Variants in KCNMA1 observed in about 807,000 individuals in gnomAD.
KCNMA1 encodes Calcium-activated potassium channel subunit alpha-1.
A neutral mutation model predicts 140.0 loss-of-function variants in KCNMA1; 29 were observed. That is an observed-to-expected ratio of 0.21 (90% CI 0.15 to 0.28). The LOEUF is 0.28. Ranked by LOEUF, KCNMA1 falls within the 10% of genes least tolerant of loss-of-function variation. The pLI is 1.00. For missense variants in KCNMA1, 880 were observed against 1,602.2 expected, an observed-to-expected ratio of 0.55 and a Z score of 7.70; for synonymous variants, 612 against 611.9, an observed-to-expected ratio of 1.00 and a Z score of 0.00.
intron 5 of KCNMA1, 56 bp downstream of exon 5, chr10:77,183,365 G>A (rs1171766396): frequency 8.4e-7 from 1 of 1,184,360 alleles, no homozygotes; most frequent in Non-Finnish European, 1.3e-6. Context: ...TGCAAATTCT[G>A]TCCTTCAGCC....
chr10:77,324,940 ACTCTCT>A (rs3068755), intron 2 of KCNMA1, among the ~76,000 whole-genome samples: 4,374 of 93,280 alleles, frequency 0.047, 113 homozygotes, highest in East Asian at 0.061. Context: ...ATAGCTCTAG[ACTCTCT>A]CTCTCTCTCT....
chr10:77,591,336 A>G (rs752703665), intron 1 of KCNMA1, among the ~76,000 whole-genome samples: 24 of 152,200 alleles, frequency 1.6e-4, no homozygotes, highest in Non-Finnish European at 2.8e-4. Context: ...CCTCAGACCC[A>G]CCTCTGAAAA....
At chr10:77,479,455 C>G (rs558280761) in intron 1 of KCNMA1, among the ~76,000 whole-genome samples, 1 of 152,332 alleles carries the variant, frequency 6.6e-6, no homozygotes, top group South Asian at 2.1e-4. Context: ...CAATACAAGG[C>G]TAGGCTCAGC....
intron 1 of KCNMA1, among the ~76,000 whole-genome samples, chr10:77,482,356 A>C (rs940629469): frequency 6.6e-6 from 1 of 152,222 alleles, no homozygotes; most frequent in Non-Finnish European, 1.5e-5. Flanking sequence ...TTGCAAGAGA[A>C]TCTACAAAAA....
intron 1 of KCNMA1, among the ~76,000 whole-genome samples, chr10:77,622,013 A>G: frequency 6.6e-6 from 1 of 152,220 alleles, no homozygotes; most frequent in East Asian, 1.9e-4. Context: ...TGTGGTTCAT[A>G]AAATACATTT....
intron 2 of KCNMA1, among the ~76,000 whole-genome samples, chr10:77,271,179 G>C (rs1280585021): frequency 6.6e-6 from 1 of 152,070 alleles, no homozygotes; most frequent in East Asian, 1.9e-4. Context: ...TTATATTTTT[G>C]TTAATTAAAG....
At chr10:76,876,367 A>G (rs1396597580), downstream of KCNMA1, 1 of 152,656 alleles carries the variant, frequency 6.6e-6, no homozygotes, top group Non-Finnish European at 1.5e-5. Context: ...ATAATTTTAA[A>G]GTTGAAAGAC....
At chr10:77,209,979 C>G (rs1393362165) in intron 3 of KCNMA1, among the ~76,000 whole-genome samples, 1 of 150,524 alleles carries the variant, frequency 6.6e-6, no homozygotes, top group Non-Finnish European at 1.5e-5. Flanking sequence ...CCAAATTCTA[C>G]CAGATGTGCA....
chr10:77,376,886 C>T (rs923638442), intron 2 of KCNMA1, among the ~76,000 whole-genome samples: 4 of 151,966 alleles, frequency 2.6e-5, no homozygotes, highest in Admixed American at 6.6e-5. Flanking sequence ...TGTAGTGAGC[C>T]GAGATCGTGC....
At chr10:77,570,662 C>T (rs796557211) in intron 1 of KCNMA1, among the ~76,000 whole-genome samples, 1 of 129,080 alleles carries the variant, frequency 7.7e-6, no homozygotes, top group Non-Finnish European at 1.7e-5. Context: ...GGGTGCAGCG[C>T]ACCAGCATGG....
At chr10:77,365,554 G>A (rs758214544) in intron 2 of KCNMA1, among the ~76,000 whole-genome samples, 31 of 152,290 alleles carry the variant, frequency 2.0e-4, no homozygotes, top group Middle Eastern at 6.8e-3. Context: ...TGTGGCTCCC[G>A]ACAGGCTAGC....
At chr10:77,382,602 T>C (rs2095428677) in intron 2 of KCNMA1, among the ~76,000 whole-genome samples, 1 of 152,028 alleles carries the variant, frequency 6.6e-6, no homozygotes, top group African/African-American at 2.4e-5. Context: ...TGGTGGCTCA[T>C]ACCTGTAATC....
At chr10:77,078,300 C>T (rs916231610) in intron 13 of KCNMA1, among the ~76,000 whole-genome samples, 2 of 152,196 alleles carry the variant, frequency 1.3e-5, no homozygotes, top group Non-Finnish European at 2.9e-5. Flanking sequence ...ATAACTGGTA[C>T]TGCATCAAAT....
intron 1 of KCNMA1, among the ~76,000 whole-genome samples, chr10:77,599,132 C>T (rs2081845240): frequency 6.6e-6 from 1 of 152,150 alleles, no homozygotes; most frequent in African/African-American, 2.4e-5. Context: ...TGGATGTATA[C>T]GATACTGCTT....
intron 1 of KCNMA1, among the ~76,000 whole-genome samples, chr10:77,582,885 C>T (rs1443937406): frequency 2.0e-5 from 3 of 152,240 alleles, no homozygotes; most frequent in Admixed American, 6.5e-5. Flanking sequence ...GGCAAGCCAC[C>T]AGCCAGGGAG....
chr10:77,460,844 G>T (rs75343352), intron 1 of KCNMA1, among the ~76,000 whole-genome samples: 7,965 of 152,254 alleles, frequency 0.052, 495 homozygotes, highest in African/African-American at 0.15. Context: ...GGTGGTTCAA[G>T]CCTGTAATCC....
chr10:77,319,586 C>T (rs1314308973), intron 2 of KCNMA1, among the ~76,000 whole-genome samples: 2 of 152,216 alleles, frequency 1.3e-5, no homozygotes, highest in African/African-American at 2.4e-5. Context: ...TTCACAAATA[C>T]TCCTATTACG....
chr10:77,340,305 A>G (rs11815742), intron 2 of KCNMA1, among the ~76,000 whole-genome samples: 24,931 of 152,188 alleles, frequency 0.16, 2,208 homozygotes, highest in East Asian at 0.37. Flanking sequence ...ACAGTGTGGC[A>G]ATTCTTCAAG....
chr10:77,576,163 C>T (rs1190605087), intron 1 of KCNMA1, among the ~76,000 whole-genome samples: 4 of 152,178 alleles, frequency 2.6e-5, no homozygotes, highest in Middle Eastern at 3.2e-3. Flanking sequence ...CTCTAACCAC[C>T]GTCTGAGGAA....
Sources: allele counts gnomAD v4.1 joint callset (sites outside exome capture counted in the v4.1 genomes callset), GRCh38; gene constraint gnomAD v4.1.1; transcripts MANE v1.5; gene names NCBI Gene and HGNC (gene_info 2026-07-23, HGNC 2026-07-21).